The following NRP1 variants were observed in gnomAD, a reference collection of about 807,000 sequenced individuals.
The protein encoded by NRP1 is neuropilin 1, also known as neuropilin-1.
NRP1 carries 35 observed loss-of-function variants against 106.7 expected under a neutral mutation model. That is an observed-to-expected ratio of 0.33 (90% confidence interval 0.25 to 0.43). The LOEUF (loss-of-function observed/expected upper bound fraction) is 0.43. Among genes scored for constraint, NRP1 ranks in the 20% least tolerant of loss-of-function variants. The probability of loss-of-function intolerance (pLI) is 1.00; values close to 1 mark genes in which losing one functional copy is unlikely to be tolerated. For missense variants in NRP1, 1,024 were observed against 1,170.4 expected, an observed-to-expected ratio of 0.87 and a Z score of 1.83; for synonymous variants, 437 against 417.9, an observed-to-expected ratio of 1.05 and a Z score of -0.56.
At chr10:33,320,346 G>A (rs1847410996) in intron 2 of NRP1, among the ~76,000 whole-genome samples, 1 of 150,970 alleles carries the variant, frequency 6.6e-6, no homozygotes, top group African/African-American at 2.4e-5. Context: ...CCGGGACCCA[G>A]TCTCTCTCCA....
chr10:33,332,476 C>T (rs1225021117), intron 1 of NRP1, among the ~76,000 whole-genome samples: 2 of 152,282 alleles, frequency 1.3e-5, no homozygotes, highest in Admixed American at 6.5e-5. Context: ...AATAAAACAG[C>T]ACTGGTTCTA....
intron 3 of NRP1, among the ~76,000 whole-genome samples, chr10:33,269,355 C>A (rs577391519): frequency 6.6e-6 from 1 of 152,140 alleles, no homozygotes; most frequent in Non-Finnish European, 1.5e-5. Context: ...TGCAGCGGCA[C>A]GATCAAGGCT....
rs572090375 is a variant in NRP1, at chr10:33,289,045, A to G, written c.249-18189T>C. Among the ~76,000 whole-genome samples, 4 of 152,334 alleles carry G rather than the reference A, an allele frequency of 2.6e-5. No individual in the cohort carries two copies. In the East Asian group the frequency reaches 7.7e-4, roughly 29 times the overall value. ...AGAAAATGAACCTGCAAGAGAAACT[A>G]AAACAACCACCGCATAGCCCAGGTA... On this transcript the variant is annotated intron_variant, in intron 2 of 16. Coordinates refer to ENST00000374867, the MANE Select transcript of NRP1 (RefSeq NM_003873.7).
intron 2 of NRP1, among the ~76,000 whole-genome samples, chr10:33,324,063 C>T (rs1847718356): frequency 6.6e-6 from 1 of 152,078 alleles, no homozygotes; most frequent in South Asian, 2.1e-4. Context: ...TACAGAAATG[C>T]CTAACACAAA....
intron 11 of NRP1, among the ~76,000 whole-genome samples, chr10:33,198,237 G>A (rs1401043158): frequency 6.6e-6 from 1 of 151,382 alleles, no homozygotes; most frequent in Non-Finnish European, 1.5e-5. Context: ...CGCCTCCCAG[G>A]TTCAAGCGAT....
chr10:33,197,575 C>T, intron 12 of NRP1, 75 bp downstream of exon 12: 2 of 1,179,956 alleles, frequency 1.7e-6, no homozygotes, highest in Non-Finnish European at 2.4e-6. Context: ...TTCAGAGAAA[C>T]TGAAAGCGAG....
chr10:33,215,592 C>T (rs901728453), intron 8 of NRP1, among the ~76,000 whole-genome samples: 10 of 152,168 alleles, frequency 6.6e-5, no homozygotes, highest in African/African-American at 9.7e-5. Flanking sequence ...AGAATGATAA[C>T]CTATTTTTCT....
intron 11 of NRP1, chr10:33,201,457 C>G (rs1230377585): frequency 2.6e-5 from 4 of 152,132 alleles, no homozygotes; most frequent in African/African-American, 9.7e-5. Flanking sequence ...GGATGTGTGA[C>G]GGGGTCTGTA....
chr10:33,261,682 G>C (rs1842583610), intron 4 of NRP1, among the ~76,000 whole-genome samples: 1 of 152,078 alleles, frequency 6.6e-6, no homozygotes, highest in Non-Finnish European at 1.5e-5. Context: ...TAGCTAAATT[G>C]AATCACACTA....
intron 13 of NRP1, among the ~76,000 whole-genome samples, chr10:33,191,448 G>A (rs1375885802): frequency 6.6e-6 from 1 of 152,148 alleles, no homozygotes; most frequent in African/African-American, 2.4e-5. Context: ...CCCTTCAAGG[G>A]TCGGGAGAGA....
intron 5 of NRP1, among the ~76,000 whole-genome samples, chr10:33,255,007 T>C (rs190002294): frequency 6.6e-6 from 1 of 152,294 alleles, no homozygotes; most frequent in Admixed American, 6.5e-5. Flanking sequence ...AGTTTGATGA[T>C]ACTGGGAATA....
intron 2 of NRP1, among the ~76,000 whole-genome samples, chr10:33,286,244 A>G (rs778328967): frequency 6.6e-6 from 1 of 152,228 alleles, no homozygotes; most frequent in Non-Finnish European, 1.5e-5. Context: ...GGTTGTTGAG[A>G]TGTTATTACT....
chr10:33,298,171 C>T (rs1204605764), intron 2 of NRP1, among the ~76,000 whole-genome samples: 1 of 152,158 alleles, frequency 6.6e-6, no homozygotes, highest in Non-Finnish European at 1.5e-5. Context: ...CAACACTCGT[C>T]CCAGGAACAG....
chr10:33,237,493 A>G (rs145627506), intron 6 of NRP1, among the ~76,000 whole-genome samples: 36 of 132,652 alleles, frequency 2.7e-4, no homozygotes, highest in Admixed American at 1.2e-3. Flanking sequence ...GCGCGCACAC[A>G]CACACACACA....
intron 2 of NRP1, among the ~76,000 whole-genome samples, chr10:33,301,785 T>G (rs905772806): frequency 8.5e-5 from 13 of 152,188 alleles, no homozygotes; most frequent in Non-Finnish European, 1.8e-4. Context: ...TTCATAATAA[T>G]GCCACTTTTT....
chr10:33,216,042 C>T (rs1181811417), intron 8 of NRP1, among the ~76,000 whole-genome samples: 2 of 152,152 alleles, frequency 1.3e-5, no homozygotes, highest in African/African-American at 2.4e-5. Context: ...AATGCCACAT[C>T]GTTTACTCAG....
chr10:33,263,725 G>T lies in NRP1; in HGVS notation c.579C>A (p.Asp193Glu), dbSNP rs1415820731. The change falls in exon 4 of 17, where the codon GAC becomes GAA. Residue 193 changes from aspartate to glutamate, a missense_variant. Transcript: ENST00000374867. The stretch of plus-strand genomic sequence containing the variant: ...CTGGAGGATTTGAGTCAGGCTCCAG[G>T]TCAAAGCTTTCAAATTCCAGGATAA... ...SEIILEFESFDLEPDSNPPGG... is the reference protein window; with the variant it reads ...SEIILEFESFELEPDSNPPGG... 1 of 1,614,084 alleles carries T rather than the reference G, an allele frequency of 6.2e-7. No homozygotes were observed. Among genetic ancestry groups the T allele is most frequent in the East Asian group, 2.2e-5 (1 of 44,872 alleles).
intron 6 of NRP1, among the ~76,000 whole-genome samples, chr10:33,250,998 C>A (rs533391691): frequency 6.6e-6 from 1 of 152,140 alleles, no homozygotes; most frequent in Non-Finnish European, 1.5e-5. Flanking sequence ...TCATGATGAG[C>A]TGCAATCTTC....
chr10:33,334,356 G>A lies in NRP1; in HGVS notation c.27C>T (p.Cys9=). Residue 9 remains cysteine (C), a synonymous_variant, in exon 1 of 17, where the codon TGC becomes TGT. Coordinates refer to ENST00000374867, the MANE Select transcript of NRP1 (RefSeq NM_003873.7). ...GGGCGAGGACGAGGGCGAGCACGGC[G>A]CAGAGGAGCGGCAGCCCCCTCTCCA... MERGLPLL[C]AVLALVLAPA... is the part of the protein sequence containing the mutation. The A allele has an allele frequency of 6.5e-7, 1 of 1,546,640 alleles. No individual in the cohort carries two copies. Among genetic ancestry groups the A allele is most frequent in the South Asian group, 1.2e-5 (1 of 84,216 alleles).
Sources: allele counts gnomAD v4.1 joint callset (sites outside exome capture counted in the v4.1 genomes callset), GRCh38; gene constraint gnomAD v4.1.1; transcripts MANE v1.5; gene names NCBI Gene and HGNC (gene_info 2026-07-23, HGNC 2026-07-21).